The following GON4L variants were observed in gnomAD, a reference collection of about 807,000 sequenced individuals.
GON4L encodes GON-4-like protein.
In GON4L, 87 loss-of-function variants were observed where a neutral mutation model predicts 211.8. The ratio of observed to expected loss-of-function variants is 0.41; its 90% CI spans 0.35 to 0.49. The LOEUF is 0.49. Ranked by LOEUF, GON4L falls within the 20% of genes least tolerant of loss-of-function variation. The probability of loss-of-function intolerance (pLI) is 0.15; values close to 1 mark genes in which losing one functional copy is unlikely to be tolerated. For missense variants in GON4L, 2,155 were observed against 2,659.5 expected (o/e 0.81, Z 4.17); for synonymous variants, 875 against 962.6 (o/e 0.91, Z 1.68).
intron 2 of GON4L, among the ~76,000 whole-genome samples, chr1:155,847,733 G>A (rs772563251): frequency 1.1e-4 from 16 of 151,914 alleles, no homozygotes; most frequent in African/African-American, 1.5e-4. Flanking sequence ...AATTAGCTGA[G>A]TGTGGTGGTG....
At chr1:155,852,536 C>G (rs769086434) in intron 2 of GON4L, among the ~76,000 whole-genome samples, 8 of 150,042 alleles carry the variant, frequency 5.3e-5, no homozygotes, top group African/African-American at 2.0e-4. Flanking sequence ...GGTCAGGAGA[C>G]TGAGACCATC....
rs747481439 is a variant in GON4L at position 155,826,994 on chromosome 1, A to G, written c.540T>C (p.Pro180=). 6.2e-6 allele frequency: 10 copies of G among 1,613,816 alleles called. No individual in the cohort carries two copies. The highest frequency in any genetic ancestry group is 5.1e-6 in the Non-Finnish European group (6 of 1,179,812). Residue 180 remains proline, a synonymous_variant, in exon 3 of 32, where the codon CCT becomes CCC. Transcript: ENST00000368331. ...CAGATTGGCTGCCTGATGGCAGGGAAGGTATCTCCCCTTCAGAATTCATTT... is the reference window on the plus strand; with the variant it reads ...CAGATTGGCTGCCTGATGGCAGGGAGGGTATCTCCCCTTCAGAATTCATTT... ...KPQMNSEGEI[P]SLPSGSQSAK... is the part of the protein sequence containing the mutation.
intron 27 of GON4L, among the ~76,000 whole-genome samples, chr1:155,755,052 C>T (rs1661028346): frequency 6.6e-6 from 1 of 150,618 alleles, no homozygotes; most frequent in South Asian, 2.1e-4. Flanking sequence ...GACTGCGCAC[C>T]ACCACGCCTA....
At chr1:155,773,427 C>A in intron 17 of GON4L, 1 of 575,838 alleles carries the variant, frequency 1.7e-6, no homozygotes, top group Non-Finnish European at 3.1e-6. Context: ...TTGACTCATT[C>A]TTTCTTATGT....
In GON4L at chr1:155,752,922, A is replaced by C. The variant is rs140325862; in HGVS notation, c.5842+282T>G. On this transcript the variant is annotated intron_variant, in intron 29 of 31. Coordinates refer to ENST00000368331, the MANE Select transcript of GON4L (RefSeq NM_001282860.2). The stretch of plus-strand genomic sequence containing the variant: ...GAGAACGGCCCAGTCTTTAGGATGT[A>C]GATTACACTAGATTTGGAGACAGGG... Among the ~76,000 whole-genome samples, 162 of 152,318 alleles carry C rather than the reference A, an allele frequency of 1.1e-3. 1 individual carries two copies. Among genetic ancestry groups the C allele is most frequent in the African/African-American group, 3.8e-3 (156 of 41,580 alleles).
At chr1:155,780,351 G>T (rs1557855371) in intron 14 of GON4L, among the ~76,000 whole-genome samples, 1 of 151,960 alleles carries the variant, frequency 6.6e-6, no homozygotes, top group Non-Finnish European at 1.5e-5. Context: ...CAGCAATTTG[G>T]GAGGCCAAGG....
chr1:155,854,580 T>C (rs377683074), intron 1 of GON4L, among the ~76,000 whole-genome samples: 122 of 152,342 alleles, frequency 8.0e-4, no homozygotes, highest in African/African-American at 2.8e-3. Flanking sequence ...TGGAAGTTAC[T>C]CAACCTGAAT....
At chr1:155,776,527 C>A in intron 15 of GON4L, 46 bp from the exon 16 acceptor site, 1 of 1,337,006 alleles carries the variant, frequency 7.5e-7, no homozygotes, top group Non-Finnish European at 1.1e-6. Flanking sequence ...ACCACATTGT[C>A]ATTTCAGGAA....
intron 10 of GON4L, among the ~76,000 whole-genome samples, chr1:155,805,982 C>A (rs908107602): frequency 1.8e-5 from 2 of 110,624 alleles, no homozygotes; most frequent in African/African-American, 6.3e-5. Context: ...AGCCACCATG[C>A]CTGGTGTTTT....
At chr1:155,826,753 G>A (rs1467199895) in intron 3 of GON4L, 84 bp downstream of exon 3, 1 of 887,140 alleles carries the variant, frequency 1.1e-6, no homozygotes, top group Admixed American at 2.0e-5. Flanking sequence ...GTGAATTCAG[G>A]ATATCTTAGG....
downstream of GON4L, chr1:155,748,173 T>G: frequency 6.6e-7 from 1 of 1,507,256 alleles, no homozygotes; most frequent in South Asian, 1.2e-5. Flanking sequence ...CTACAGGGCC[T>G]CCTCATGCTC....
At chr1:155,771,975 C>A (rs985180050) in intron 18 of GON4L, among the ~76,000 whole-genome samples, 8 of 151,978 alleles carry the variant, frequency 5.3e-5, no homozygotes, top group African/African-American at 1.9e-4. Context: ...CCAGCCTGGC[C>A]AACATGGTGA....
chr1:155,797,828 G>T (rs963394910), intron 11 of GON4L, among the ~76,000 whole-genome samples: 2 of 151,140 alleles, frequency 1.3e-5, no homozygotes, highest in African/African-American at 4.9e-5. Flanking sequence ...ACTCCAGCCT[G>T]GGCGAGAGTG....
chr1:155,819,637 C>A (rs551257683), intron 6 of GON4L, among the ~76,000 whole-genome samples: 3 of 152,250 alleles, frequency 2.0e-5, no homozygotes, highest in Non-Finnish European at 4.4e-5. Context: ...GTCTGTAAGG[C>A]AAATCTTCCT....
chr1:155,826,810 T>G, intron 3 of GON4L, 27 bp downstream of exon 3: 1 of 1,456,880 alleles, frequency 6.9e-7, no homozygotes, highest in South Asian at 1.1e-5. Context: ...GAGGTTTCAT[T>G]TAATTAAAAA....
At chr1:155,836,318 C>T (rs1395849397) in intron 2 of GON4L, among the ~76,000 whole-genome samples, 1 of 146,414 alleles carries the variant, frequency 6.8e-6, no homozygotes, top group Non-Finnish European at 1.5e-5. Context: ...GGCACAATCT[C>T]GGCTCACTGC....
At chr1:155,759,142 G>A (rs1661495398) in intron 24 of GON4L, among the ~76,000 whole-genome samples, 1 of 151,964 alleles carries the variant, frequency 6.6e-6, no homozygotes, top group African/African-American at 2.4e-5. Flanking sequence ...GACCAAAGGT[G>A]TGCACCACCA....
intron 12 of GON4L, among the ~76,000 whole-genome samples, chr1:155,789,960 TCTCA>T (rs1665356684): frequency 6.6e-6 from 1 of 152,184 alleles, no homozygotes; most frequent in Non-Finnish European, 1.5e-5. Context: ...TGAGACAAGC[TCTCA>T]CTCTGTCACC....
chr1:155,801,967 C>T (rs934677181), intron 11 of GON4L, among the ~76,000 whole-genome samples: 29 of 151,236 alleles, frequency 1.9e-4, no homozygotes, highest in African/African-American at 5.6e-4. Context: ...CATGCCTTGG[C>T]TTCCCATAGT....
Sources: allele counts gnomAD v4.1 joint callset (sites outside exome capture counted in the v4.1 genomes callset), GRCh38; gene constraint gnomAD v4.1.1; transcripts MANE v1.5; gene names NCBI Gene and HGNC (gene_info 2026-07-23, HGNC 2026-07-21).